The following CTNNBIP1 variants were observed in gnomAD, a reference collection of about 807,000 sequenced individuals.
The protein encoded by CTNNBIP1 is beta-catenin-interacting protein 1.
Under a neutral mutation model 11.8 loss-of-function variants are expected in CTNNBIP1, and 7 were observed. That is an observed-to-expected ratio of 0.60 (90% CI 0.34 to 1.12). The LOEUF is 1.12. Ranked by LOEUF, CTNNBIP1 falls within the 50% of genes most tolerant of loss-of-function variation. The pLI is 0.03. For missense variants in CTNNBIP1, 101 were observed against 113.4 expected (o/e 0.89, Z 0.50); for synonymous variants, 58 against 43.9 (o/e 1.32, Z -1.26).
At chr1:9,904,708 A>G (rs1391100779) in intron 1 of CTNNBIP1, among the ~76,000 whole-genome samples, 1 of 152,170 alleles carries the variant, frequency 6.6e-6, no homozygotes, top group Non-Finnish European at 1.5e-5. Context: ...TCGCTGATGC[A>G]TTTATGAAGA....
intron 5 of CTNNBIP1, among the ~76,000 whole-genome samples, chr1:9,862,344 A>G (rs1455984710): frequency 6.6e-6 from 1 of 151,980 alleles, no homozygotes; most frequent in Non-Finnish European, 1.5e-5. Context: ...CAGCCTCCCA[A>G]AGTGTTGGGA....
Position 9,857,025 on chromosome 1 carries a change from G to A in CTNNBIP1, c.188-6249C>T, listed in dbSNP as rs369183662. On this transcript the variant is annotated intron_variant, in intron 5 of 5. Coordinates refer to ENST00000377263, the MANE Select transcript of CTNNBIP1 (RefSeq NM_020248.3). The stretch of plus-strand genomic sequence containing the variant: ...TAGTCCCAGCTACTCGGGAGGTTGA[G>A]GCAGGAGAATCGCTTGAACCCGGGA... Among the ~76,000 whole-genome samples, 95 of 150,948 alleles carry A rather than the reference G, an allele frequency of 6.3e-4. 1 individual carries two copies. In the East Asian group the frequency reaches 0.018, roughly 29 times the overall value.
intron 3 of CTNNBIP1, among the ~76,000 whole-genome samples, chr1:9,876,695 C>T (rs192609213): frequency 6.6e-6 from 1 of 152,232 alleles, no homozygotes; most frequent in East Asian, 1.9e-4. Flanking sequence ...GGGACAGGTC[C>T]ATGGTTATTT....
At chr1:9,864,674 G>A (rs1014687056) in intron 5 of CTNNBIP1, among the ~76,000 whole-genome samples, 3 of 152,206 alleles carry the variant, frequency 2.0e-5, no homozygotes, top group South Asian at 2.1e-4. Flanking sequence ...ACAGTTCTGC[G>A]GGTGACTGGC....
intron 5 of CTNNBIP1, among the ~76,000 whole-genome samples, chr1:9,870,198 C>T (rs1193523747): frequency 1.3e-5 from 2 of 152,250 alleles, no homozygotes; most frequent in African/African-American, 2.4e-5. Flanking sequence ...CAAACGCAGC[C>T]GTCAGCACTC....
In CTNNBIP1 at chr1:9,871,013, C is replaced by T. The variant is rs550826125; in HGVS notation, c.187+174G>A. Among the ~76,000 whole-genome samples, 2 of 152,220 alleles carry T rather than the reference C, an allele frequency of 1.3e-5. No individual in the cohort carries two copies. Among genetic ancestry groups the T allele is most frequent in the South Asian group, 4.2e-4 (2 of 4,818 alleles). On this transcript the variant is annotated intron_variant, in intron 5 of 5. Transcript: ENST00000377263. The surrounding 1 kb of genome is among the most constrained non-coding windows in gnomAD (Gnocchi z 5.2). The stretch of plus-strand genomic sequence containing the variant: ...GGAGATGGGATCAGGTGGGAGGCTC[C>T]GAAGGTTTCCTGGCTCAGCTCTGTG...
intron 3 of CTNNBIP1, among the ~76,000 whole-genome samples, chr1:9,873,774 GC>G (rs1280276527): frequency 1.3e-5 from 2 of 152,054 alleles, no homozygotes; most frequent in Non-Finnish European, 2.9e-5. Context: ...TCCCTCTGTC[GC>G]CCAGGCTGGA....
At position 9,871,899 on chromosome 1, in the gene CTNNBIP1, A is replaced by G; in HGVS notation, c.96+70T>C. On this transcript the variant is annotated intron_variant, in intron 4 of 5. Transcript: ENST00000377263. The surrounding 1 kb of genome is among the most constrained non-coding windows in gnomAD (Gnocchi z 5.2). ...AGCCGCAGTGGCTCCACCCTCCAAT[A>G]GCCCAGCAGGGCCCCTCCCTGGGAG... The G allele has an allele frequency of 7.3e-7, 1 of 1,370,000 alleles. No homozygotes were observed. Among genetic ancestry groups the G allele is most frequent in the Admixed American group, 1.7e-5 (1 of 58,868 alleles). The allele number at this position is 1,370,000 out of a possible 1,614,324, so 84.9% of individuals were successfully genotyped here.
intron 1 of CTNNBIP1, among the ~76,000 whole-genome samples, chr1:9,891,053 C>G (rs1220415226): frequency 6.6e-6 from 1 of 151,122 alleles, no homozygotes; most frequent in African/African-American, 2.4e-5. Flanking sequence ...AAAGCTATGC[C>G]AGCTCTTTGC....
intron 1 of CTNNBIP1, among the ~76,000 whole-genome samples, chr1:9,899,118 GA>G (rs1639469911): frequency 6.6e-6 from 1 of 152,110 alleles, no homozygotes; most frequent in African/African-American, 2.4e-5. Flanking sequence ...GGAACCTGAG[GA>G]TATGGAAGGC....
intron 1 of CTNNBIP1, among the ~76,000 whole-genome samples, chr1:9,892,599 A>G (rs1639328256): frequency 6.6e-6 from 1 of 152,022 alleles, no homozygotes; most frequent in Non-Finnish European, 1.5e-5. Flanking sequence ...TCAAAAAAAA[A>G]AAAAGAAAAG....
At chr1:9,861,623 C>T (rs1185858185) in intron 5 of CTNNBIP1, among the ~76,000 whole-genome samples, 1 of 152,242 alleles carries the variant, frequency 6.6e-6, no homozygotes, top group Non-Finnish European at 1.5e-5. Context: ...GGCGGTGGCA[C>T]TGCAGCAGCC....
chr1:9,899,393 C>T (rs1639475348), intron 1 of CTNNBIP1, among the ~76,000 whole-genome samples: 1 of 145,638 alleles, frequency 6.9e-6, no homozygotes, highest in Admixed American at 7.3e-5. Flanking sequence ...GAGGCACAGG[C>T]TGCAGTGAGC....
chr1:9,882,430 G>T (rs138678639), intron 2 of CTNNBIP1, among the ~76,000 whole-genome samples: 1 of 152,212 alleles, frequency 6.6e-6, no homozygotes, highest in African/African-American at 2.4e-5. Flanking sequence ...GTCGCCTCGG[G>T]GATGTGCGGC....
At chr1:9,885,189 G>A (rs1455457352) in intron 1 of CTNNBIP1, among the ~76,000 whole-genome samples, 9 of 152,156 alleles carry the variant, frequency 5.9e-5, no homozygotes, top group Non-Finnish European at 1.3e-4. Context: ...ACAACAGGGA[G>A]CGCACTGTGG....
chr1:9,885,323 T>G (rs1639164177), intron 1 of CTNNBIP1, among the ~76,000 whole-genome samples: 1 of 152,074 alleles, frequency 6.6e-6, no homozygotes, highest in African/African-American at 2.4e-5. Flanking sequence ...CGAGCTGAAT[T>G]TTAGACTTTA....
chr1:9,899,757 C>CAAA (rs1296143611), intron 1 of CTNNBIP1, among the ~76,000 whole-genome samples: 1 of 141,652 alleles, frequency 7.1e-6, no homozygotes, highest in African/African-American at 2.7e-5. Flanking sequence ...GGCTCCGTCT[C>CAAA]AAAAAAAAAG....
chr1:9,888,606 C>A (rs1433292515), intron 1 of CTNNBIP1, among the ~76,000 whole-genome samples: 1 of 152,098 alleles, frequency 6.6e-6, no homozygotes, highest in African/African-American at 2.4e-5. Flanking sequence ...GGCCCTGCAT[C>A]TGTCTACACA....
At chr1:9,857,219 GCCTGTAATC>G (rs1557744594) in intron 5 of CTNNBIP1, among the ~76,000 whole-genome samples, 1 of 152,124 alleles carries the variant, frequency 6.6e-6, no homozygotes, top group Non-Finnish European at 1.5e-5. Flanking sequence ...GGTGGCTCAC[GCCTGTAATC>G]CCAGCACTTT....
Sources: gnomAD v4.1 joint callset for allele counts (sites outside exome capture counted in the v4.1 genomes callset) on GRCh38, gnomAD v4.1.1 for gene constraint, Gnocchi (gnomAD v3.1) non-coding constraint, MANE v1.5 for transcripts, NCBI Gene and HGNC (gene_info 2026-07-23, HGNC 2026-07-21) for gene names.